The following TRMT1L variants were observed in gnomAD, a reference collection of about 807,000 sequenced individuals.
The protein encoded by TRMT1L is tRNA (guanine(27)-N(2))-dimethyltransferase.
Under a neutral mutation model 81.6 loss-of-function variants are expected in TRMT1L, and 28 were observed. The ratio of observed to expected loss-of-function variants is 0.34; its 90% CI spans 0.25 to 0.47. The LOEUF is 0.47. Ranked by LOEUF, TRMT1L falls within the 20% of genes least tolerant of loss-of-function variation. The pLI, the probability that TRMT1L is intolerant of heterozygous loss-of-function variation, is 1.00. For synonymous variants in TRMT1L, 301 were observed against 303.2 expected, an observed-to-expected ratio of 0.99 and a Z score of 0.07; for missense variants, 739 against 877.1, an observed-to-expected ratio of 0.84 and a Z score of 1.99.
In TRMT1L at chr1:185,156,663, ACCT is replaced by A. The variant is rs765007204; in HGVS notation, c.47_49del (p.Glu16del). Reference sequence around the variant, plus strand: ...CGGGACCTGGACCTGGGCCACCTCCACCTCCTCCTTCTCCAGGGGCAGCAGCTC... The same window carrying A: ...CGGGACCTGGACCTGGGCCACCTCCACCTCCTTCTCCAGGGGCAGCAGCTC... On this transcript the variant is annotated inframe_deletion, in exon 1 of 15. Transcript: ENST00000367506. 5.0e-6 allele frequency: 8 copies of A among 1,610,846 alleles called. No homozygotes were observed. In the Admixed American group the frequency reaches 1.3e-4, roughly 27 times the overall value.
chr1:185,156,758 C>T lies in TRMT1L; in HGVS notation c.-46G>A, dbSNP rs762775951. 5 of 1,607,846 alleles carry T rather than the reference C, an allele frequency of 3.1e-6. No homozygotes were observed. In the African/African-American group the frequency reaches 6.7e-5, roughly 21 times the overall value. Reference sequence around the variant, plus strand: ...GCCCGCCCGGGGACCCGGAGCGGGGCTCACGGCGGGGTCAGAGAACTGACG... The same window carrying T: ...GCCCGCCCGGGGACCCGGAGCGGGGTTCACGGCGGGGTCAGAGAACTGACG... On this transcript the variant is annotated 5_prime_UTR_variant, in exon 1 of 15. Coordinates refer to ENST00000367506, the MANE Select transcript of TRMT1L (RefSeq NM_030934.5).
At chr1:185,120,354 T>C (rs746344544) in intron 14 of TRMT1L, 29 bp downstream of exon 14, 2 of 1,503,338 alleles carry the variant, frequency 1.3e-6, no homozygotes, top group Non-Finnish European at 1.8e-6. Flanking sequence ...ATAAAATATA[T>C]ATACTTTGTC....
Position 185,119,198 on chromosome 1 carries a change from A to G in TRMT1L, c.*821T>C, listed in dbSNP as rs917091779. ...AAAACTCTCATTCCATAAGGTGACA[A>G]ATTTTACTTCTGAGAGGTAGTACAA... On this transcript the variant is annotated 3_prime_UTR_variant, in exon 15 of 15. Transcript: ENST00000367506. 2 of 152,134 alleles carry G rather than the reference A, an allele frequency of 1.3e-5. No homozygotes were observed. Among genetic ancestry groups the G allele is most frequent in the African/African-American group, 4.8e-5 (2 of 41,436 alleles). 9.4% of individuals were successfully genotyped at this position (152,134 alleles called of 1,614,324 possible). A position where few individuals can be genotyped will look rare whatever the true frequency, so the allele number is the denominator to read the frequency against.
intron 10 of TRMT1L, among the ~76,000 whole-genome samples, chr1:185,131,404 A>G (rs1332401361): frequency 6.6e-6 from 1 of 152,136 alleles, no homozygotes; most frequent in Non-Finnish European, 1.5e-5. Context: ...AAAACAGAAA[A>G]AGTTAAAAAA....
chr1:185,140,038 A>G lies in TRMT1L; in HGVS notation c.1044T>C (p.Leu348=). The change falls in exon 8 of 15, where the codon CTT becomes CTC. Residue 348 remains leucine, a synonymous_variant. Coordinates refer to ENST00000367506, the MANE Select transcript of TRMT1L (RefSeq NM_030934.5). ...DDILEEGEKN[L]GNIKVTKMDA... is the part of the protein sequence containing the mutation. ...CCATTTTGGTCACCTTAATATTACC[A>G]AGATTTTTCTCTCCTTCTTCAAGAA... 4 of 1,613,784 alleles carry G rather than the reference A, an allele frequency of 2.5e-6. No homozygotes were observed. Among genetic ancestry groups the G allele is most frequent in the Non-Finnish European group, 2.5e-6 (3 of 1,179,820 alleles).
rs757875804 is a variant in TRMT1L at position 185,124,931 on chromosome 1, T to C, written c.1759+13A>G. On this transcript the variant is annotated intron_variant, in intron 12 of 14. Coordinates refer to ENST00000367506, the MANE Select transcript of TRMT1L (RefSeq NM_030934.5). ...GCAGTTTAAAGCTAGTAAGCTAGCG[T>C]TCAGTTAGTCACCTTGCTTGTTGAC... 9 of 1,603,466 alleles carry C rather than the reference T, an allele frequency of 5.6e-6. No homozygotes were observed. The highest frequency in any genetic ancestry group is 7.7e-6 in the Non-Finnish European group (9 of 1,174,192).
In TRMT1L at chr1:185,122,930, C is replaced by G. The variant is rs374242903; in HGVS notation, c.1822+927G>C. 1.8e-4 allele frequency among the ~76,000 whole-genome samples: 28 copies of G among 152,180 alleles called. No individual in the cohort carries two copies. The South Asian group carries it at 5.6e-3, about 30-fold the overall frequency. On this transcript the variant is annotated intron_variant, in intron 13 of 14. Transcript: ENST00000367506. Reference sequence around the variant, plus strand: ...GAACTCCTGACCTCAAGTGATCTACCCAACTTGGCCTCCCAAAATGCTGGG... The same window carrying G: ...GAACTCCTGACCTCAAGTGATCTACGCAACTTGGCCTCCCAAAATGCTGGG...
intron 8 of TRMT1L, 35 bp from the exon 9 acceptor site, chr1:185,139,614 A>AT (rs777102197): frequency 2.7e-6 from 4 of 1,467,106 alleles, no homozygotes; most frequent in Non-Finnish European, 3.7e-6. Flanking sequence ...TTTTAAAGTC[A>AT]TATTAGTAAC....
chr1:185,128,012 G>A (rs1652676099), intron 11 of TRMT1L, among the ~76,000 whole-genome samples: 1 of 151,916 alleles, frequency 6.6e-6, no homozygotes, highest in Non-Finnish European at 1.5e-5. Context: ...TACTCAGGAG[G>A]CTGAGGCAGG....
At chr1:185,139,842 A>G in intron 8 of TRMT1L, 131 bp downstream of exon 8, 1 of 1,090,730 alleles carries the variant, frequency 9.2e-7, no homozygotes, top group Non-Finnish European at 1.3e-6. Flanking sequence ...TGCATACCTT[A>G]GGCCAATGTC....
chr1:185,122,073 A>G lies in TRMT1L; in HGVS notation c.1823-1564T>C, dbSNP rs1262982186. Among the ~76,000 whole-genome samples, 4 of 152,142 alleles carry G rather than the reference A, an allele frequency of 2.6e-5. No homozygotes were observed. The South Asian group carries it at 8.3e-4, about 31-fold the overall frequency. ...CTGTTCTTGCATTAGTTTTATTAGG[A>G]TAACGGCCTAGAGTGCCATCCATGT... On this transcript the variant is annotated intron_variant, in intron 13 of 14. Transcript: ENST00000367506.
chr1:185,144,903 T>C (rs976826073), intron 5 of TRMT1L, among the ~76,000 whole-genome samples: 1 of 151,712 alleles, frequency 6.6e-6, no homozygotes, highest in African/African-American at 2.4e-5. Flanking sequence ...AATAGTTCAG[T>C]GACTGTTTTT....
chr1:185,139,245 C>G (rs1652975592), intron 9 of TRMT1L, 122 bp downstream of exon 9: 1 of 739,712 alleles, frequency 1.4e-6, no homozygotes. Context: ...ACCAGTATTA[C>G]AGATAAGGAA....
At chr1:185,129,556 C>T (rs1652719326) in intron 10 of TRMT1L, among the ~76,000 whole-genome samples, 1 of 152,176 alleles carries the variant, frequency 6.6e-6, no homozygotes, top group Non-Finnish European at 1.5e-5. Context: ...CTAATTCCCT[C>T]CACTCCAGGC....
intron 10 of TRMT1L, among the ~76,000 whole-genome samples, chr1:185,130,386 G>A (rs1345138053): frequency 1.3e-5 from 2 of 152,156 alleles, no homozygotes; most frequent in East Asian, 1.9e-4. Flanking sequence ...AATAAAATGG[G>A]AGAGGAGGTA....
In TRMT1L at chr1:185,151,802, A is replaced by G. The variant is rs373581394; in HGVS notation, c.346+23T>C. 1.9e-3 allele frequency: 2,866 copies of G among 1,507,604 alleles called. 4 individuals are homozygous for G. The highest frequency in any genetic ancestry group is 1.9e-3 in the Non-Finnish European group (2,143 of 1,119,238). 93.4% of individuals were successfully genotyped at this position (1,507,604 alleles called of 1,614,324 possible). A position where few individuals can be genotyped will look rare whatever the true frequency, so the allele number is the denominator to read the frequency against. ...TAAATTATTAGAAACTAAGAAAAAA[A>G]AAAAACCCAAACATGGAAATACCTG... On this transcript the variant is annotated intron_variant, in intron 2 of 14. Coordinates refer to ENST00000367506, the MANE Select transcript of TRMT1L (RefSeq NM_030934.5).
chr1:185,119,965 A>G lies in TRMT1L; in HGVS notation c.*54T>C. 1.3e-6 allele frequency: 2 copies of G among 1,561,694 alleles called. No individual in the cohort carries two copies. Among genetic ancestry groups the G allele is most frequent in the Non-Finnish European group, 1.7e-6 (2 of 1,148,720 alleles). On this transcript the variant is annotated 3_prime_UTR_variant, in exon 15 of 15. Transcript: ENST00000367506. ...ACAGAAAAAGAACTACAGTTGGTAT[A>G]GAGAACTATTAGGCCATCTATACAG...
chr1:185,150,519 C>T, intron 2 of TRMT1L, 27 bp from the exon 3 acceptor site: 1 of 1,512,230 alleles, frequency 6.6e-7, no homozygotes, highest in Non-Finnish European at 9.2e-7. Context: ...AATCAATAAA[C>T]AACAGAATAT....
rs773805422 is a variant in TRMT1L at position 185,140,083 on chromosome 1, T to G, written c.999A>C (p.Glu333Asp). The part of the protein sequence containing the change: ...NKLKVVVDSK[E>D]KEKSDDILEE... ...CAAGAATATCATCACTCTTTTCCTT[T>G]TCCTTACTGTCCACCACCACTTTCA... The change falls in exon 8 of 15, where the codon GAA (glutamate) becomes GAC (aspartate). Residue 333 changes from glutamate to aspartate, a missense_variant. Transcript: ENST00000367506. The G allele has an allele frequency of 1.9e-6, 3 of 1,613,814 alleles. No individual in the cohort carries two copies. Among genetic ancestry groups the G allele is most frequent in the Non-Finnish European group, 2.5e-6 (3 of 1,179,864 alleles).
Sources: allele counts gnomAD v4.1 joint callset (sites outside exome capture counted in the v4.1 genomes callset), GRCh38; gene constraint gnomAD v4.1.1; transcripts MANE v1.5; gene names NCBI Gene and HGNC (gene_info 2026-07-23, HGNC 2026-07-21).